The following FAM24B variants were observed in gnomAD, a reference collection of about 807,000 sequenced individuals.
The protein encoded by FAM24B is protein FAM24B.
Under a neutral mutation model 2.3 loss-of-function variants are expected in FAM24B, and 3 were observed. The observed-to-expected ratio is 1.29, with a 90% CI of 0.59 to 3.32. FAM24B has a LOEUF of 3.32. Among genes scored for constraint, FAM24B ranks in the 30% most tolerant of loss-of-function variants. The probability of loss-of-function intolerance (pLI) is 0.03; values close to 1 mark genes in which losing one functional copy is unlikely to be tolerated. For synonymous variants in FAM24B, 36 were observed against 46.3 expected (o/e 0.78, Z 0.90); for missense variants, 98 against 117.2 (o/e 0.84, Z 0.76).
chr10:122,874,104 G>A (rs1847942620), intron 1 of FAM24B, among the ~76,000 whole-genome samples: 1 of 152,202 alleles, frequency 6.6e-6, no homozygotes, highest in East Asian at 1.9e-4. Flanking sequence ...TTGTTGACGT[G>A]TCCTATTAAT....
intron 2 of FAM24B, among the ~76,000 whole-genome samples, chr10:122,853,114 CTTA>C (rs1847570706): frequency 6.6e-6 from 1 of 152,016 alleles, no homozygotes; most frequent in Non-Finnish European, 1.5e-5. Flanking sequence ...CTATTCAAGT[CTTA>C]TGTTTGTTTT....
In FAM24B at chr10:122,851,158, T is replaced by C. The variant is rs532360455; in HGVS notation, c.-35-608A>G. 4.3e-4 allele frequency among the ~76,000 whole-genome samples: 65 copies of C among 152,344 alleles called. 1 individual carries two copies. The Middle Eastern group carries it at 0.014, about 32-fold the overall frequency. On this transcript the variant is annotated intron_variant, in intron 2 of 3. Transcript: ENST00000368898. Reference sequence around the variant, plus strand: ...TCCAATTTGAGATAATAAATTAGTTTAACTTTCTGAAACTGGGAAAAAGTG... The same window carrying C: ...TCCAATTTGAGATAATAAATTAGTTCAACTTTCTGAAACTGGGAAAAAGTG...
chr10:122,869,210 G>C (rs1847851577), intron 1 of FAM24B, among the ~76,000 whole-genome samples: 1 of 152,124 alleles, frequency 6.6e-6, no homozygotes, highest in Non-Finnish European at 1.5e-5. Flanking sequence ...ATGGTAAAGG[G>C]ATCAATTCAA....
At chr10:122,872,942 A>C (rs1847920709) in intron 1 of FAM24B, among the ~76,000 whole-genome samples, 1 of 152,188 alleles carries the variant, frequency 6.6e-6, no homozygotes, top group Non-Finnish European at 1.5e-5. Flanking sequence ...ATAACAATAC[A>C]AAAATAAAAT....
intron 1 of FAM24B, among the ~76,000 whole-genome samples, chr10:122,869,150 CA>C (rs1218492394): frequency 1.3e-5 from 2 of 152,028 alleles, no homozygotes; most frequent in African/African-American, 4.8e-5. Context: ...TCTGATAAAA[CA>C]GACTTTAAAC....
chr10:122,877,936 G>C (rs1848002569), intron 1 of FAM24B, among the ~76,000 whole-genome samples: 1 of 152,116 alleles, frequency 6.6e-6, no homozygotes, highest in South Asian at 2.1e-4. Context: ...ATCTCTACTA[G>C]GCACAAAACA....
chr10:122,870,160 C>G lies in FAM24B; in HGVS notation c.-178+9325G>C, dbSNP rs1402390105. Among the ~76,000 whole-genome samples the G allele has an allele frequency of 3.9e-5, 6 of 152,178 alleles. No homozygotes were observed. The East Asian group carries it at 1.2e-3, about 29-fold the overall frequency. Reference sequence around the variant, plus strand: ...CCATCAGAGAATACTATAAACACCTCTATGCAAATAAACTAGAAAATCTAG... The same window carrying G: ...CCATCAGAGAATACTATAAACACCTGTATGCAAATAAACTAGAAAATCTAG... On this transcript the variant is annotated intron_variant, in intron 1 of 3. Coordinates refer to ENST00000368898, the MANE Select transcript of FAM24B (RefSeq NM_152644.3).
rs894845451 is a variant in FAM24B, at chr10:122,854,694, A to G, written c.-36+951T>C. Reference sequence around the variant, plus strand: ...AGAGGGATGGGGCCATGTGTTCCAGATGGCAAAAGGTAGGCAGCAACTGTG... The same window carrying G: ...AGAGGGATGGGGCCATGTGTTCCAGGTGGCAAAAGGTAGGCAGCAACTGTG... On this transcript the variant is annotated intron_variant, in intron 2 of 3. Coordinates refer to ENST00000368898, the MANE Select transcript of FAM24B (RefSeq NM_152644.3). Among the ~76,000 whole-genome samples, 41 of 152,230 alleles carry G rather than the reference A, an allele frequency of 2.7e-4. 2 individuals carry two copies. The highest frequency in any genetic ancestry group is 4.4e-5 in the Non-Finnish European group (3 of 68,048).
intron 1 of FAM24B, among the ~76,000 whole-genome samples, chr10:122,874,752 G>A (rs535196047): frequency 6.6e-5 from 10 of 152,212 alleles, no homozygotes; most frequent in South Asian, 6.2e-4. Flanking sequence ...GGCTGTATAC[G>A]GCCCTGGACG....
chr10:122,859,620 A>G lies in FAM24B; in HGVS notation c.-177-3834T>C, dbSNP rs143879212. Among the ~76,000 whole-genome samples the G allele has an allele frequency of 6.4e-3, 973 of 152,282 alleles. 8 individuals are homozygous for G. The highest frequency in any genetic ancestry group is 0.016 in the African/African-American group (662 of 41,558). On this transcript the variant is annotated intron_variant, in intron 1 of 3. Coordinates refer to ENST00000368898, the MANE Select transcript of FAM24B (RefSeq NM_152644.3). The stretch of plus-strand genomic sequence containing the variant: ...GAGCCATTCCCTTACATACTCTTGT[A>G]CCAACTGTCATAGGTCAGGAACCTA...
chr10:122,850,496 C>T lies in FAM24B; in HGVS notation c.20G>A (p.Gly7Asp), dbSNP rs1847512342. Residue 7 changes from glycine to aspartate, a missense_variant, in exon 3 of 4, where the codon GGT (glycine) becomes GAT (aspartate). Coordinates refer to ENST00000368898, the MANE Select transcript of FAM24B (RefSeq NM_152644.3). MPVIAG[G>D]ILAALLLLIV... ...CAGCAGGAGCAAGGCCGCCAGGATA[C>T]CACCAGCGATGACAGGCATAATCAC... 1.9e-6 allele frequency: 3 copies of T among 1,613,780 alleles called. No individual in the cohort carries two copies. Among genetic ancestry groups the T allele is most frequent in the Non-Finnish European group, 1.7e-6 (2 of 1,179,688 alleles).
At chr10:122,873,426 T>C (rs1356916549) in intron 1 of FAM24B, among the ~76,000 whole-genome samples, 1 of 152,228 alleles carries the variant, frequency 6.6e-6, no homozygotes, top group Non-Finnish European at 1.5e-5. Flanking sequence ...TGCTGTGACC[T>C]CCTGCTCAGA....
chr10:122,871,817 C>T (rs1197512209), intron 1 of FAM24B, among the ~76,000 whole-genome samples: 2 of 152,004 alleles, frequency 1.3e-5, no homozygotes, highest in African/African-American at 2.4e-5. Context: ...CATGTTAGAC[C>T]TAAAACCATA....
At chr10:122,878,721 T>C (rs1848020850) in intron 1 of FAM24B, among the ~76,000 whole-genome samples, 1 of 151,446 alleles carries the variant, frequency 6.6e-6, no homozygotes, top group African/African-American at 2.4e-5. Context: ...GAGGCAGAGA[T>C]GGAGAAAGAC....
At chr10:122,864,797 G>A (rs1847776455) in intron 1 of FAM24B, among the ~76,000 whole-genome samples, 1 of 152,174 alleles carries the variant, frequency 6.6e-6, no homozygotes, top group Admixed American at 6.5e-5. Context: ...TATCCAGAAT[G>A]TCACATAGTT....
intron 1 of FAM24B, among the ~76,000 whole-genome samples, chr10:122,861,991 C>T (rs1264436218): frequency 6.6e-6 from 1 of 152,212 alleles, no homozygotes; most frequent in Non-Finnish European, 1.5e-5. Flanking sequence ...CACCTCCCAT[C>T]TTGCTTTCTT....
chr10:122,870,208 C>A (rs548964558), intron 1 of FAM24B, among the ~76,000 whole-genome samples: 2 of 152,290 alleles, frequency 1.3e-5, no homozygotes, highest in East Asian at 3.9e-4. Context: ...AATTCCTCGA[C>A]ACATACACTC....
Position 122,849,078 on chromosome 10 carries a change from T to C in FAM24B, c.*169A>G, listed in dbSNP as rs1810420474. 2.3e-6 allele frequency: 1 copy of C among 437,128 alleles called. No individual in the cohort carries two copies. The highest frequency in any genetic ancestry group is 3.7e-5 in the East Asian group (1 of 27,268). The allele number at this position is 437,128 out of a possible 1,614,324, so 27.1% of individuals were successfully genotyped here. On this transcript the variant is annotated 3_prime_UTR_variant, in exon 4 of 4. Coordinates refer to ENST00000368898, the MANE Select transcript of FAM24B (RefSeq NM_152644.3). ...GTTTATAATCAACAATCAAAAAATA[T>C]TGGCAGCAAAGAGGATTATTTTTAA...
intron 1 of FAM24B, among the ~76,000 whole-genome samples, chr10:122,858,507 C>CA (rs1566253028): frequency 6.6e-6 from 1 of 151,704 alleles, no homozygotes; most frequent in Non-Finnish European, 1.5e-5. Context: ...ACATATGTAA[C>CA]AAACCTGCAT....
Sources: allele counts gnomAD v4.1 joint callset (sites outside exome capture counted in the v4.1 genomes callset), GRCh38; gene constraint gnomAD v4.1.1; transcripts MANE v1.5; gene names NCBI Gene and HGNC (gene_info 2026-07-23, HGNC 2026-07-21).